The following PTPRD variants were observed in gnomAD, a reference collection of about 807,000 sequenced individuals.
PTPRD encodes protein tyrosine phosphatase receptor type D.
In PTPRD, 34 loss-of-function variants were observed where a neutral mutation model predicts 214.5. The observed-to-expected ratio is 0.16, with a 90% CI of 0.12 to 0.21. The LOEUF (loss-of-function observed/expected upper bound fraction) is 0.21. Among genes scored for constraint, PTPRD ranks in the 10% least tolerant of loss-of-function variants. PTPRD has a pLI of 1.00. For missense variants in PTPRD, 2,545 were observed against 2,398.7 expected, an observed-to-expected ratio of 1.06 and a Z score of -1.27; for synonymous variants, 1,128 against 845.7, an observed-to-expected ratio of 1.33 and a Z score of -5.79.
chr9:8,475,532 A>T (rs1418278631), intron 30 of PTPRD, among the ~76,000 whole-genome samples: 3 of 152,082 alleles, frequency 2.0e-5, no homozygotes, highest in African/African-American at 7.2e-5. Flanking sequence ...TTCCAGACTC[A>T]TATCTTTAGC....
In PTPRD at chr9:8,847,789, A is replaced by C. The variant is rs182864293; in HGVS notation, c.-103-113843T>G. ...ATAATCAAATCATCCACCCTTATTG[A>C]TAATGAAACTAACGGGTGAAATGAA... On this transcript the variant is annotated intron_variant, in intron 11 of 45. Coordinates refer to ENST00000381196, the MANE Select transcript of PTPRD (RefSeq NM_002839.4). Among the ~76,000 whole-genome samples the C allele has an allele frequency of 1.1e-4, 16 of 152,356 alleles. No homozygotes were observed. The East Asian group carries it at 2.9e-3, about 28-fold the overall frequency.
intron 8 of PTPRD, among the ~76,000 whole-genome samples, chr9:9,539,164 C>G (rs612092): frequency 0.39 from 59,760 of 151,610 alleles, 12,132 homozygotes; most frequent in African/African-American, 0.44. Context: ...AGGGTGCTCA[C>G]TGGGGACATA....
chr9:8,661,151 C>A (rs913965056), intron 12 of PTPRD, among the ~76,000 whole-genome samples: 1 of 152,066 alleles, frequency 6.6e-6, no homozygotes. Flanking sequence ...CAGACCCTTA[C>A]AAGCTGAAGA....
chr9:8,824,274 C>A (rs7864464), intron 11 of PTPRD, among the ~76,000 whole-genome samples: 7 of 151,950 alleles, frequency 4.6e-5, no homozygotes, highest in Non-Finnish European at 1.0e-4. Context: ...GTTAGCACAC[C>A]TTTGACATTT....
intron 4 of PTPRD, among the ~76,000 whole-genome samples, chr9:10,020,146 T>A (rs2096819511): frequency 1.3e-5 from 2 of 152,174 alleles, no homozygotes; most frequent in Admixed American, 1.3e-4. Context: ...CTATCTTCTA[T>A]TTTGAAACAG....
At chr9:8,499,881 G>A (rs756009540) in intron 24 of PTPRD, 41 bp from the exon 25 acceptor site, 1 of 1,533,474 alleles carries the variant, frequency 6.5e-7, no homozygotes. Context: ...ATAGGCACTT[G>A]TCCCACCCTA....
At chr9:10,596,572 G>A (rs1385253125) in intron 2 of PTPRD, among the ~76,000 whole-genome samples, 1 of 151,542 alleles carries the variant, frequency 6.6e-6, no homozygotes, top group Admixed American at 6.6e-5. Context: ...TTATGGAATG[G>A]CATAATTTAA....
intron 3 of PTPRD, among the ~76,000 whole-genome samples, chr9:10,170,325 A>G (rs1280692045): frequency 6.6e-6 from 1 of 152,182 alleles, no homozygotes; most frequent in Admixed American, 6.6e-5. Flanking sequence ...TTACTGAGAA[A>G]GCTTTTTATA....
intron 8 of PTPRD, among the ~76,000 whole-genome samples, chr9:9,481,193 A>G (rs1318234331): frequency 6.6e-6 from 1 of 152,154 alleles, no homozygotes; most frequent in African/African-American, 2.4e-5. Context: ...ACTAAGGAAA[A>G]TAATGAGATA....
chr9:8,415,557 G>T (rs969772533), intron 35 of PTPRD, among the ~76,000 whole-genome samples: 1 of 122,580 alleles, frequency 8.2e-6, no homozygotes, highest in African/African-American at 2.9e-5. Flanking sequence ...TGCTTTGGAA[G>T]TAAAACCATA....
Position 8,429,679 on chromosome 9 carries a change from G to A in PTPRD, c.4086+6913C>T, listed in dbSNP as rs1026089091. ...TGTGAGAGTGCTGCCATGAGAACAG[G>A]AAGAAACTCAGCACATGTGGGTGCT... On this transcript the variant is annotated intron_variant, in intron 35 of 45. Transcript: ENST00000381196. Among the ~76,000 whole-genome samples, 8 of 152,136 alleles carry A rather than the reference G, an allele frequency of 5.3e-5. No homozygotes were observed. The South Asian group carries it at 1.7e-3, about 31-fold the overall frequency.
At chr9:9,034,777 T>C (rs955528527) in intron 10 of PTPRD, among the ~76,000 whole-genome samples, 1 of 152,122 alleles carries the variant, frequency 6.6e-6, no homozygotes, top group Non-Finnish European at 1.5e-5. Context: ...AAATAACACC[T>C]ACCTCACAGG....
rs1822971335 is a variant in PTPRD at position 8,317,821 on chromosome 9, C to T, written c.*53G>A. Reference sequence around the variant, plus strand: ...AGTGCCCTGTATGGCTCAGAAGAGACTCCATGGATATTGAAGGGCCTGTAG... The same window carrying T: ...AGTGCCCTGTATGGCTCAGAAGAGATTCCATGGATATTGAAGGGCCTGTAG... On this transcript the variant is annotated 3_prime_UTR_variant, in exon 46 of 46. Coordinates refer to ENST00000381196, the MANE Select transcript of PTPRD (RefSeq NM_002839.4). The T allele has an allele frequency of 1.0e-5, 16 of 1,539,736 alleles. No homozygotes were observed. The highest frequency in any genetic ancestry group is 1.4e-5 in the Non-Finnish European group (16 of 1,113,486).
At chr9:9,187,404 A>C (rs578203002) in intron 9 of PTPRD, among the ~76,000 whole-genome samples, 16 of 152,194 alleles carry the variant, frequency 1.1e-4, no homozygotes, top group African/African-American at 3.6e-4. Flanking sequence ...AAATTCCAGG[A>C]AAAAATAAGT....
intron 5 of PTPRD, among the ~76,000 whole-genome samples, chr9:9,905,515 C>G (rs544318211): frequency 6.6e-6 from 1 of 151,972 alleles, no homozygotes; most frequent in South Asian, 2.1e-4. Context: ...TCAAGCCAGT[C>G]AGATACTTAT....
At chr9:10,069,163 A>G (rs2097943279) in intron 3 of PTPRD, among the ~76,000 whole-genome samples, 1 of 152,066 alleles carries the variant, frequency 6.6e-6, no homozygotes, top group African/African-American at 2.4e-5. Flanking sequence ...GCTTCCATCT[A>G]TCTGACAGGG....
intron 10 of PTPRD, among the ~76,000 whole-genome samples, chr9:9,113,555 A>G (rs1325788660): frequency 3.3e-5 from 5 of 152,122 alleles, no homozygotes; most frequent in Non-Finnish European, 7.4e-5. Context: ...CATGGTGAGA[A>G]AAGGGATGTT....
At chr9:8,473,929 T>C (rs893751504) in intron 30 of PTPRD, among the ~76,000 whole-genome samples, 4 of 152,224 alleles carry the variant, frequency 2.6e-5, no homozygotes, top group African/African-American at 9.6e-5. Context: ...TTCTGTATCA[T>C]ACAAAGCCTC....
At position 8,343,423 on chromosome 9, in the gene PTPRD, G is replaced by A. The variant is rs143321751; in HGVS notation, c.4662-1445C>T. ...TTCTGAGACAGAGAGTCCTACAAAT[G>A]ATAGCACATACCTTAGCACAGACCA... On this transcript the variant is annotated intron_variant, in intron 39 of 45. Coordinates refer to ENST00000381196, the MANE Select transcript of PTPRD (RefSeq NM_002839.4). 1.6e-3 allele frequency among the ~76,000 whole-genome samples: 239 copies of A among 152,160 alleles called. 2 individuals carry two copies. The highest frequency in any genetic ancestry group is 6.8e-3 in the Middle Eastern group (2 of 294).
Sources: gnomAD v4.1 joint callset for allele counts (sites outside exome capture counted in the v4.1 genomes callset) on GRCh38, gnomAD v4.1.1 for gene constraint, MANE v1.5 for transcripts, NCBI Gene and HGNC (gene_info 2026-07-23, HGNC 2026-07-21) for gene names.